CDH13: variants seen among roughly 807,000 people sequenced by gnomAD.
CDH13 encodes the protein cadherin 13.
A neutral mutation model predicts 63.8 loss-of-function variants in CDH13; 24 were observed. The ratio of observed to expected loss-of-function variants is 0.38; its 90% CI spans 0.27 to 0.53. CDH13 has a LOEUF of 0.53. CDH13 is among the 20% of genes least tolerant of loss of function. The pLI is 0.85. For synonymous variants in CDH13, 503 were observed against 355.3 expected, an observed-to-expected ratio of 1.42 and a Z score of -4.67; for missense variants, 1,049 against 903.1, an observed-to-expected ratio of 1.16 and a Z score of -2.07.
intron 1 of CDH13, among the ~76,000 whole-genome samples, chr16:82,638,017 C>G (rs960319174): frequency 1.8e-4 from 28 of 152,294 alleles, no homozygotes; most frequent in African/African-American, 6.5e-4. Flanking sequence ...GTAATTGTTA[C>G]AATAGGAAGC....
chr16:83,197,909 T>C (rs923734705), intron 4 of CDH13, among the ~76,000 whole-genome samples: 2 of 152,036 alleles, frequency 1.3e-5, no homozygotes, highest in East Asian at 3.9e-4. Context: ...ATTTTAATTG[T>C]GACATTGTAC....
intron 10 of CDH13, among the ~76,000 whole-genome samples, chr16:83,683,589 C>T (rs1238266219): frequency 6.6e-6 from 1 of 152,198 alleles, no homozygotes; most frequent in Non-Finnish European, 1.5e-5. Flanking sequence ...TATTCCATTA[C>T]AGGGATATAC....
chr16:83,786,494 T>A (rs999928385), intron 13 of CDH13, among the ~76,000 whole-genome samples: 2 of 152,206 alleles, frequency 1.3e-5, no homozygotes, highest in Non-Finnish European at 2.9e-5. Flanking sequence ...GACAGATGGA[T>A]AAATGAAAGG....
intron 6 of CDH13, among the ~76,000 whole-genome samples, chr16:83,364,227 C>G (rs754610947): frequency 6.6e-6 from 1 of 152,084 alleles, no homozygotes; most frequent in Non-Finnish European, 1.5e-5. Context: ...AGTCCACATA[C>G]AAAATGGCAG....
intron 6 of CDH13, among the ~76,000 whole-genome samples, chr16:83,362,154 A>T (rs1293017227): frequency 6.6e-6 from 1 of 152,188 alleles, no homozygotes; most frequent in Admixed American, 6.5e-5. Flanking sequence ...TGTTTAAAAA[A>T]ATCTGGTTTC....
At chr16:83,106,340 C>T (rs905219960) in intron 3 of CDH13, among the ~76,000 whole-genome samples, 12 of 152,204 alleles carry the variant, frequency 7.9e-5, no homozygotes, top group South Asian at 2.1e-4. Context: ...GAGTTCGAGA[C>T]GAGCCTGGCC....
At chr16:83,780,523 T>G (rs1915444511) in intron 12 of CDH13, among the ~76,000 whole-genome samples, 1 of 152,216 alleles carries the variant, frequency 6.6e-6, no homozygotes, top group African/African-American at 2.4e-5. Flanking sequence ...CTTTAAAATT[T>G]TCATATATTT....
At chr16:83,517,236 G>A (rs1261978362) in intron 7 of CDH13, among the ~76,000 whole-genome samples, 1 of 152,208 alleles carries the variant, frequency 6.6e-6, no homozygotes, top group Non-Finnish European at 1.5e-5. Context: ...GATGTAGACT[G>A]TCTAAAAGAG....
chr16:82,879,577 A>AT (rs1165039481), intron 2 of CDH13, among the ~76,000 whole-genome samples: 4 of 141,936 alleles, frequency 2.8e-5, no homozygotes, highest in Non-Finnish European at 4.5e-5. Flanking sequence ...TTTTATATAC[A>AT]ATATTATATA....
At chr16:82,768,354 G>T (rs2035140799) in intron 1 of CDH13, among the ~76,000 whole-genome samples, 1 of 152,088 alleles carries the variant, frequency 6.6e-6, no homozygotes. Flanking sequence ...TGATATTGTG[G>T]GACTGGGCTT....
At chr16:83,536,189 G>A (rs2075183623) in intron 7 of CDH13, among the ~76,000 whole-genome samples, 2 of 152,176 alleles carry the variant, frequency 1.3e-5, no homozygotes, top group African/African-American at 4.8e-5. Context: ...AGCGGCTATG[G>A]GGGAAAAATG....
chr16:82,769,865 G>C (rs1802413622), intron 1 of CDH13, among the ~76,000 whole-genome samples: 1 of 152,208 alleles, frequency 6.6e-6, no homozygotes, highest in African/African-American at 2.4e-5. Context: ...CCTACGAAAT[G>C]TGACAGGATA....
intron 6 of CDH13, among the ~76,000 whole-genome samples, chr16:83,452,263 C>G (rs74032100): frequency 0.19 from 29,608 of 152,112 alleles, 3,258 homozygotes; most frequent in Non-Finnish European, 0.24. Flanking sequence ...TTTGTGTTTT[C>G]TTGTGCAGAG....
intron 4 of CDH13, among the ~76,000 whole-genome samples, chr16:83,147,585 G>A (rs548544030): frequency 6.6e-6 from 1 of 152,242 alleles, no homozygotes; most frequent in South Asian, 2.1e-4. Flanking sequence ...ACATCCCTCA[G>A]GAACATTTGC....
intron 1 of CDH13, among the ~76,000 whole-genome samples, chr16:82,755,167 G>T (rs914858560): frequency 1.3e-5 from 2 of 152,210 alleles, no homozygotes; most frequent in African/African-American, 4.8e-5. Context: ...TCTAGGGACT[G>T]TATAGAAAAT....
intron 10 of CDH13, among the ~76,000 whole-genome samples, chr16:83,714,013 C>G (rs1908496101): frequency 6.6e-6 from 1 of 152,188 alleles, no homozygotes; most frequent in Non-Finnish European, 1.5e-5. Context: ...GCTCACTTGT[C>G]CAGAGTAGAT....
chr16:83,048,649 C>T (rs2029915212), intron 3 of CDH13, among the ~76,000 whole-genome samples: 1 of 152,144 alleles, frequency 6.6e-6, no homozygotes. Context: ...ACCCCTAACT[C>T]CTTTCCTCCC....
intron 6 of CDH13, among the ~76,000 whole-genome samples, chr16:83,387,178 A>G (rs1417742083): frequency 6.6e-6 from 1 of 152,150 alleles, no homozygotes; most frequent in East Asian, 1.9e-4. Flanking sequence ...AGTATATGTG[A>G]GAAGGAGGAG....
intron 1 of CDH13, among the ~76,000 whole-genome samples, chr16:82,652,483 C>T (rs1910833280): frequency 6.6e-6 from 1 of 152,176 alleles, no homozygotes. Flanking sequence ...TGTCACTGCA[C>T]CAGCAGCTTT....
Sources: allele counts gnomAD v4.1 joint callset (sites outside exome capture counted in the v4.1 genomes callset), GRCh38; gene constraint gnomAD v4.1.1; transcripts MANE v1.5; gene names NCBI Gene and HGNC (gene_info 2026-07-23, HGNC 2026-07-21).